MAPKAP1: variants seen among roughly 807,000 people sequenced by gnomAD.
The protein encoded by MAPKAP1 is MAPK associated protein 1, also known as target of rapamycin complex 2 subunit MAPKAP1.
MAPKAP1 carries 20 observed loss-of-function variants against 65.7 expected under a neutral mutation model. That is an observed-to-expected ratio of 0.30 (90% CI 0.21 to 0.44). MAPKAP1 has a LOEUF of 0.44. MAPKAP1 is among the 20% of genes least tolerant of loss of function. MAPKAP1 has a pLI of 1.00. For missense variants in MAPKAP1, 423 were observed against 648.0 expected (o/e 0.65, Z 3.77); for synonymous variants, 222 against 244.3 (o/e 0.91, Z 0.85).
intron 1 of MAPKAP1, among the ~76,000 whole-genome samples, chr9:125,691,558 G>C (rs934369370): frequency 6.6e-6 from 1 of 151,954 alleles, no homozygotes; most frequent in African/African-American, 2.4e-5. Context: ...GTAAGTGACA[G>C]GTAAATCCAT....
chr9:125,591,305 A>G (rs1295992175), intron 4 of MAPKAP1, among the ~76,000 whole-genome samples: 1 of 152,168 alleles, frequency 6.6e-6, no homozygotes, highest in Non-Finnish European at 1.5e-5. Flanking sequence ...TACAAACCTG[A>G]GGAAAGCTTT....
At chr9:125,594,048 A>G (rs985400471) in intron 4 of MAPKAP1, among the ~76,000 whole-genome samples, 3 of 152,164 alleles carry the variant, frequency 2.0e-5, no homozygotes, top group African/African-American at 7.2e-5. Flanking sequence ...ACACTCTACC[A>G]TCCAAATGCC....
intron 4 of MAPKAP1, among the ~76,000 whole-genome samples, chr9:125,615,232 G>A (rs1832711709): frequency 6.6e-6 from 1 of 151,868 alleles, no homozygotes; most frequent in South Asian, 2.1e-4. Flanking sequence ...TGACTTCCAT[G>A]GAGAAAATGA....
intron 6 of MAPKAP1, among the ~76,000 whole-genome samples, chr9:125,557,644 C>T (rs1011360032): frequency 6.8e-6 from 1 of 146,964 alleles, no homozygotes; most frequent in Admixed American, 7.6e-5. Context: ...CATCAAATTA[C>T]TTATTAAAAC....
chr9:125,497,976 G>T (rs767978442), intron 8 of MAPKAP1, among the ~76,000 whole-genome samples: 29 of 152,234 alleles, frequency 1.9e-4, no homozygotes, highest in Non-Finnish European at 3.1e-4. Context: ...TTGAGGCTCA[G>T]TTTGGTGCCA....
intron 3 of MAPKAP1, among the ~76,000 whole-genome samples, chr9:125,659,978 T>G (rs1834138509): frequency 1.3e-5 from 2 of 152,186 alleles, no homozygotes; most frequent in Admixed American, 1.3e-4. Context: ...TTGGCAGCAT[T>G]TGACACGGTT....
chr9:125,676,922 G>A (rs1203625477), intron 1 of MAPKAP1, among the ~76,000 whole-genome samples: 2 of 152,042 alleles, frequency 1.3e-5, no homozygotes, highest in Non-Finnish European at 2.9e-5. Flanking sequence ...TATGTACTTT[G>A]TGTATTATGA....
chr9:125,498,923 G>T lies in MAPKAP1; in HGVS notation c.1066+7387C>A, dbSNP rs572090235. ...TATGACTCCAAACCTCGACACCTGTGCCCCATCTGCTCTACCAGCCACAGA... is the reference window on the plus strand; with the variant it reads ...TATGACTCCAAACCTCGACACCTGTTCCCCATCTGCTCTACCAGCCACAGA... On this transcript the variant is annotated intron_variant, in intron 8 of 11. Coordinates refer to ENST00000265960, the MANE Select transcript of MAPKAP1 (RefSeq NM_001006617.3). 3.9e-5 allele frequency among the ~76,000 whole-genome samples: 6 copies of T among 152,138 alleles called. No homozygotes were observed. In the South Asian group the frequency reaches 1.2e-3, roughly 32 times the overall value.
At chr9:125,624,591 G>A (rs1589356848) in intron 4 of MAPKAP1, among the ~76,000 whole-genome samples, 6 of 52,756 alleles carry the variant, frequency 1.1e-4, no homozygotes, top group Admixed American at 1.9e-4. Context: ...CCGGCCAGCC[G>A]CCCCGTCCGG....
chr9:125,552,905 A>T (rs939191757), intron 6 of MAPKAP1, among the ~76,000 whole-genome samples: 16 of 152,208 alleles, frequency 1.1e-4, no homozygotes, highest in African/African-American at 3.6e-4. Flanking sequence ...AAATTTTTTT[A>T]AATTAAAAAC....
At chr9:125,577,588 A>C (rs1246914947) in intron 5 of MAPKAP1, among the ~76,000 whole-genome samples, 1 of 84,602 alleles carries the variant, frequency 1.2e-5, no homozygotes, top group Non-Finnish European at 2.5e-5. Flanking sequence ...CCGCCCTGCC[A>C]GCCGCCCCGT....
intron 9 of MAPKAP1, among the ~76,000 whole-genome samples, chr9:125,473,151 C>T (rs952767628): frequency 2.0e-5 from 3 of 150,386 alleles, no homozygotes; most frequent in Non-Finnish European, 2.9e-5. Flanking sequence ...CCAGGGGTTG[C>T]GCTGCTGGGA....
intron 7 of MAPKAP1, among the ~76,000 whole-genome samples, chr9:125,526,686 C>T (rs1829778128): frequency 6.6e-6 from 1 of 152,108 alleles, no homozygotes; most frequent in African/African-American, 2.4e-5. Context: ...AAAGATCCTT[C>T]TACACTCCAG....
chr9:125,643,533 A>T (rs1316081422), intron 4 of MAPKAP1, among the ~76,000 whole-genome samples: 1 of 152,136 alleles, frequency 6.6e-6, no homozygotes, highest in Non-Finnish European at 1.5e-5. Context: ...TCACCATATT[A>T]TACAAATCCT....
At chr9:125,647,573 G>C (rs1458784788) in intron 4 of MAPKAP1, among the ~76,000 whole-genome samples, 1 of 152,162 alleles carries the variant, frequency 6.6e-6, no homozygotes, top group East Asian at 1.9e-4. Flanking sequence ...CTGTTCCTCT[G>C]CTCGGTCAGG....
At chr9:125,536,691 A>G (rs925813561) in intron 7 of MAPKAP1, among the ~76,000 whole-genome samples, 1 of 152,198 alleles carries the variant, frequency 6.6e-6, no homozygotes, top group African/African-American at 2.4e-5. Flanking sequence ...ACTTTGATAG[A>G]AGAAAGAATA....
chr9:125,519,454 T>C (rs1486908394), intron 7 of MAPKAP1, among the ~76,000 whole-genome samples: 1 of 151,794 alleles, frequency 6.6e-6, no homozygotes, highest in East Asian at 1.9e-4. Context: ...AGCAACACAG[T>C]AAGATCCCGT....
At chr9:125,530,143 T>C (rs1288679372) in intron 7 of MAPKAP1, among the ~76,000 whole-genome samples, 1 of 152,198 alleles carries the variant, frequency 6.6e-6, no homozygotes, top group Admixed American at 6.5e-5. Flanking sequence ...GTAACTCTAC[T>C]AAAGCAAGGG....
At chr9:125,476,272 T>C (rs1427895865) in intron 9 of MAPKAP1, among the ~76,000 whole-genome samples, 1 of 152,218 alleles carries the variant, frequency 6.6e-6, no homozygotes, top group Non-Finnish European at 1.5e-5. Context: ...TTCATTAGTA[T>C]AAGTCAATTC....
Sources: allele counts gnomAD v4.1 joint callset (sites outside exome capture counted in the v4.1 genomes callset), GRCh38; gene constraint gnomAD v4.1.1; transcripts MANE v1.5; gene names NCBI Gene and HGNC (gene_info 2026-07-23, HGNC 2026-07-21).